PCNX2: variants seen among roughly 807,000 people sequenced by gnomAD.
PCNX2 encodes the protein pecanex-like protein 2.
A neutral mutation model predicts 223.8 loss-of-function variants in PCNX2; 168 were observed. The ratio of observed to expected loss-of-function variants is 0.75; its 90% CI spans 0.66 to 0.85. The LOEUF (loss-of-function observed/expected upper bound fraction) is 0.85. PCNX2 is among the 40% of genes least tolerant of loss of function. The pLI is 0.00. For missense variants in PCNX2, 2,507 were observed against 2,675.5 expected, an observed-to-expected ratio of 0.94 and a Z score of 1.39; for synonymous variants, 1,006 against 1,052.6, an observed-to-expected ratio of 0.96 and a Z score of 0.86.
intron 32 of PCNX2, among the ~76,000 whole-genome samples, chr1:232,996,290 TCCACA>T (rs1669873050): frequency 6.6e-6 from 1 of 152,130 alleles, no homozygotes; most frequent in South Asian, 2.1e-4. Flanking sequence ...CTTTCTCCAG[TCCACA>T]CAAGTCACCT....
At chr1:232,984,643 C>T (rs1186031907) in intron 33 of PCNX2, 166 bp from the exon 34 acceptor site, 2 of 682,672 alleles carry the variant, frequency 2.9e-6, no homozygotes, top group Non-Finnish European at 2.4e-6. Context: ...AGCACAGTGG[C>T]CTCTGAGGAC....
chr1:233,324,411 A>G, the PCNX2 span, among the ~76,000 whole-genome samples: 1 of 152,186 alleles, frequency 6.6e-6, no homozygotes, highest in African/African-American at 2.4e-5. Context: ...CCCGGCTTTA[A>G]AGGACAGGCT....
chr1:233,252,997 C>T (rs1659546743), intron 5 of PCNX2, among the ~76,000 whole-genome samples: 1 of 152,102 alleles, frequency 6.6e-6, no homozygotes, highest in African/African-American at 2.4e-5. Context: ...AAGTTTGAGA[C>T]ATGTTATTTA....
At position 233,144,637 on chromosome 1, in the gene PCNX2, C is replaced by T. The variant is rs138396865; in HGVS notation, c.3518-4782G>A. The stretch of plus-strand genomic sequence containing the variant: ...ACATTTATTTAATGACTCATGCAGA[C>T]GAGTATCTTTTTACATGTTTACTGG... On this transcript the variant is annotated intron_variant, in intron 19 of 33. Coordinates refer to ENST00000258229, the MANE Select transcript of PCNX2 (RefSeq NM_014801.4). Among the ~76,000 whole-genome samples, 145 of 152,242 alleles carry T rather than the reference C, an allele frequency of 9.5e-4. 1 individual carries two copies. In the East Asian group the frequency reaches 0.024, roughly 25 times the overall value.
chr1:233,010,422 TC>T (rs377347093), intron 28 of PCNX2, among the ~76,000 whole-genome samples: 346 of 152,366 alleles, frequency 2.3e-3, no homozygotes, highest in African/African-American at 8.0e-3. Context: ...GGAAGCTTAC[TC>T]TACTCTGAGT....
intron 1 of PCNX2, chr1:233,289,169 G>A: frequency 1.2e-6 from 1 of 833,742 alleles, no homozygotes; most frequent in East Asian, 2.4e-5. Flanking sequence ...AAGCGATAAA[G>A]ACAACATGCT....
At chr1:233,319,465 T>G in the PCNX2 span, among the ~76,000 whole-genome samples, 1 of 152,220 alleles carries the variant, frequency 6.6e-6, no homozygotes, top group African/African-American at 2.4e-5. Context: ...ATAATCACGC[T>G]CTGAGCTTAT....
At position 232,990,636 on chromosome 1, in the gene PCNX2, C is replaced by T. The variant is rs927744193; in HGVS notation, c.5792-4096G>A. 5.9e-5 allele frequency among the ~76,000 whole-genome samples: 9 copies of T among 152,284 alleles called. No individual in the cohort carries two copies. The highest frequency in any genetic ancestry group is 5.2e-4 in the Admixed American group (8 of 15,300). On this transcript the variant is annotated intron_variant, in intron 32 of 33. Transcript: ENST00000258229. This position sits in a 1 kb window ranked among gnomAD's most constrained non-coding sequence, Gnocchi z 4.3. ...TTCGTCCAACCTTTGTCTGCTGAGCCCAGATCATGCTTACCACCCAGCCCA... is the reference window on the plus strand; with the variant it reads ...TTCGTCCAACCTTTGTCTGCTGAGCTCAGATCATGCTTACCACCCAGCCCA...
At position 233,276,775 on chromosome 1, in the gene PCNX2, C is replaced by G. The variant is rs74147360; in HGVS notation, c.154-13612G>C. ...GGATCCTAAAGATGATCAAGCTCCA[C>G]GTTCATTTAGCCTTTCAGGTGCTCA... On this transcript the variant is annotated intron_variant, in intron 1 of 33. Transcript: ENST00000258229. 3.0e-3 allele frequency among the ~76,000 whole-genome samples: 464 copies of G among 152,320 alleles called. 3 individuals carry two copies. Among genetic ancestry groups the G allele is most frequent in the African/African-American group, 0.011 (447 of 41,570 alleles).
chr1:233,051,961 T>C (rs1672021685), intron 25 of PCNX2, among the ~76,000 whole-genome samples: 1 of 152,240 alleles, frequency 6.6e-6, no homozygotes, highest in Non-Finnish European at 1.5e-5. Context: ...ATTGTATTAT[T>C]GCACTGAAGA....
At chr1:233,099,009 C>A (rs139103484) in intron 21 of PCNX2, among the ~76,000 whole-genome samples, 1 of 152,242 alleles carries the variant, frequency 6.6e-6, no homozygotes, top group East Asian at 1.9e-4. Context: ...CTCTTCTTCC[C>A]AAAACTGAAA....
chr1:233,236,944 A>C lies in PCNX2; in HGVS notation c.2259T>G (p.Ser753=), dbSNP rs1189842424. 1.2e-6 allele frequency: 2 copies of C among 1,613,998 alleles called. No individual in the cohort carries two copies. Among genetic ancestry groups the C allele is most frequent in the Non-Finnish European group, 1.7e-6 (2 of 1,179,866 alleles). The change falls in exon 9 of 34, where the codon TCT becomes TCG. Residue 753 remains serine, a synonymous_variant. Coordinates refer to ENST00000258229, the MANE Select transcript of PCNX2 (RefSeq NM_014801.4). ...CCCCAGAAGACGGATCTTGACTCTCAGAAGTTGTGGTACTGGAGGAGCTGA... is the reference window on the plus strand; with the variant it reads ...CCCCAGAAGACGGATCTTGACTCTCCGAAGTTGTGGTACTGGAGGAGCTGA... ...MQVSSSSTTT[S]ESQDPSSGDP... is the part of the protein sequence containing the mutation.
At chr1:233,142,639 C>G (rs1364577776) in intron 19 of PCNX2, among the ~76,000 whole-genome samples, 1 of 152,166 alleles carries the variant, frequency 6.6e-6, no homozygotes, top group African/African-American at 2.4e-5. Context: ...ATCTGATGTT[C>G]CCACTTCTGT....
At chr1:233,213,023 T>A (rs1276317476) in intron 12 of PCNX2, among the ~76,000 whole-genome samples, 1 of 152,202 alleles carries the variant, frequency 6.6e-6, no homozygotes, top group Non-Finnish European at 1.5e-5. Context: ...CTAAAATCCA[T>A]AATCCCTATC....
At chr1:233,133,394 A>G (rs1408601214) in intron 21 of PCNX2, among the ~76,000 whole-genome samples, 1 of 152,240 alleles carries the variant, frequency 6.6e-6, no homozygotes, top group African/African-American at 2.4e-5. Context: ...TAAGTTAATC[A>G]GAACAGAACA....
At chr1:233,008,754 G>A (rs540804836) in intron 28 of PCNX2, among the ~76,000 whole-genome samples, 3 of 152,324 alleles carry the variant, frequency 2.0e-5, no homozygotes, top group Admixed American at 6.5e-5. Flanking sequence ...TGGGCTGGCA[G>A]GAAAGGGCAA....
intron 21 of PCNX2, among the ~76,000 whole-genome samples, chr1:233,131,200 C>G (rs1373911623): frequency 6.6e-6 from 1 of 152,032 alleles, no homozygotes; most frequent in African/African-American, 2.4e-5. Context: ...GAGGGAAGGG[C>G]TGGGGGACAT....
Position 233,014,766 on chromosome 1 carries a change from G to A in PCNX2, c.4851C>T (p.Thr1617=). 8 of 1,613,672 alleles carry A rather than the reference G, an allele frequency of 5.0e-6. No individual in the cohort carries two copies. Among genetic ancestry groups the A allele is most frequent in the Non-Finnish European group, 6.8e-6 (8 of 1,179,704 alleles). Residue 1617 remains threonine, a synonymous_variant, in exon 28 of 34, where the codon ACC becomes ACT. Coordinates refer to ENST00000258229, the MANE Select transcript of PCNX2 (RefSeq NM_014801.4). ...CARKRQEPST[T]LDSDEDSPLV... ...AGGGAGAGTCCTCGTCACTGTCCAG[G>A]GTCGTTGAAGGCTGAAAGAGCAAGA...
In PCNX2 at chr1:233,054,284, T is replaced by A. The variant is rs144945265; in HGVS notation, c.4335A>T (p.Arg1445=). The A allele has an allele frequency of 9.9e-6, 16 of 1,613,652 alleles. No homozygotes were observed. In the East Asian group the frequency reaches 3.6e-4, roughly 36 times the overall value. The change falls in exon 25 of 34, where the codon CGA becomes CGT. Residue 1445 remains arginine, a synonymous_variant. Coordinates refer to ENST00000258229, the MANE Select transcript of PCNX2 (RefSeq NM_014801.4). ...IGNGLVTFQL[R]GLEFRGTYCQ... ...AATTCTTACCTCGGAATTCCAGTCCTCGAAGTTGAAAGGTGACAAGACCAT... is the reference window on the plus strand; with the variant it reads ...AATTCTTACCTCGGAATTCCAGTCCACGAAGTTGAAAGGTGACAAGACCAT...
Sources: allele counts gnomAD v4.1 joint callset (sites outside exome capture counted in the v4.1 genomes callset), GRCh38; gene constraint gnomAD v4.1.1; non-coding constraint Gnocchi (gnomAD v3.1); transcripts MANE v1.5; gene names NCBI Gene and HGNC (gene_info 2026-07-23, HGNC 2026-07-21).